The following WDR72 variants were observed in gnomAD, a reference collection of about 807,000 sequenced individuals.
The protein encoded by WDR72 is WD repeat-containing protein 72.
In WDR72, 120 loss-of-function variants were observed where a neutral mutation model predicts 124.2. The ratio of observed to expected loss-of-function variants is 0.97; its 90% confidence interval spans 0.83 to 1.12. WDR72 has a LOEUF of 1.12. WDR72 is among the 50% of genes most tolerant of loss of function. The pLI is 0.00. For missense variants in WDR72, 1,387 were observed against 1,278.8 expected (o/e 1.08, Z -1.29); for synonymous variants, 452 against 441.7 (o/e 1.02, Z -0.29).
At chr15:53,743,353 T>C (rs538005393) in intron 1 of WDR72, among the ~76,000 whole-genome samples, 54 of 152,220 alleles carry the variant, frequency 3.5e-4, no homozygotes, top group African/African-American at 1.3e-3. Flanking sequence ...AATTTAAGCA[T>C]GTTATTTTAG....
intron 2 of WDR72, among the ~76,000 whole-genome samples, chr15:53,727,966 G>T (rs689612): frequency 0.066 from 9,974 of 152,156 alleles, 1,073 homozygotes; most frequent in African/African-American, 0.22. Context: ...TGAAGCATTG[G>T]TTCCTCCTGA....
In WDR72 at chr15:53,706,081, A is replaced by C. The variant is rs780987005; in HGVS notation, c.955-7T>G. 63 of 1,613,700 alleles carry C rather than the reference A, an allele frequency of 3.9e-5. No homozygotes were observed. The highest frequency in any genetic ancestry group is 4.9e-5 in the Non-Finnish European group (58 of 1,179,946). On this transcript the variant is annotated splice_region_variant and splice_polypyrimidine_tract_variant and intron_variant, in intron 9 of 19. Coordinates refer to ENST00000360509, the MANE Select transcript of WDR72 (RefSeq NM_182758.4). ...CAAAGGGACGGCTCTGTTCCTAAACAAAAAGTGAGCTTTTATGTAGGAAAT... is the reference window on the plus strand; with the variant it reads ...CAAAGGGACGGCTCTGTTCCTAAACCAAAAGTGAGCTTTTATGTAGGAAAT...
chr15:53,674,926 G>C (rs1357323698), intron 13 of WDR72, among the ~76,000 whole-genome samples: 2 of 152,052 alleles, frequency 1.3e-5, no homozygotes, highest in Non-Finnish European at 2.9e-5. Context: ...AAAGAGGTGT[G>C]GCGGGGGACA....
intron 18 of WDR72, among the ~76,000 whole-genome samples, chr15:53,527,310 TC>T (rs1892177392): frequency 6.6e-6 from 1 of 152,022 alleles, no homozygotes; most frequent in African/African-American, 2.4e-5. Flanking sequence ...ATTCCGTTCT[TC>T]CTTTTCTCCT....
chr15:53,543,581 A>C (rs1411747727), intron 18 of WDR72, among the ~76,000 whole-genome samples: 1 of 151,006 alleles, frequency 6.6e-6, no homozygotes, highest in African/African-American at 2.4e-5. Context: ...CACAATTAAA[A>C]GAACTAGAAA....
chr15:53,690,429 C>G (rs1414131036), intron 13 of WDR72, among the ~76,000 whole-genome samples: 1 of 152,164 alleles, frequency 6.6e-6, no homozygotes, highest in African/African-American at 2.4e-5. Context: ...TAATCATTCC[C>G]CATTCTCCAC....
chr15:53,631,447 C>T (rs1447064489), intron 14 of WDR72, among the ~76,000 whole-genome samples: 1 of 152,084 alleles, frequency 6.6e-6, no homozygotes, highest in African/African-American at 2.4e-5. Flanking sequence ...AGAACTAACA[C>T]AGAAAATTGT....
intron 17 of WDR72, among the ~76,000 whole-genome samples, chr15:53,605,292 GA>G (rs1290229052): frequency 1.3e-5 from 2 of 152,104 alleles, no homozygotes; most frequent in African/African-American, 4.8e-5. Context: ...TAAATGATGG[GA>G]ACACTTGAAC....
chr15:53,657,263 CAAAAAAAA>C (rs10549551), intron 14 of WDR72, among the ~76,000 whole-genome samples: 42 of 56,404 alleles, frequency 7.4e-4, no homozygotes, highest in African/African-American at 2.6e-3. Context: ...GACTCCATCT[CAAAAAAAA>C]AAAAAAAAAA....
chr15:53,571,366 T>C (rs1291912756), intron 18 of WDR72, among the ~76,000 whole-genome samples: 1 of 152,104 alleles, frequency 6.6e-6, no homozygotes, highest in Non-Finnish European at 1.5e-5. Flanking sequence ...CCAATGTCTC[T>C]TCAATGCCCA....
chr15:53,627,659 C>G (rs552084620), intron 14 of WDR72, among the ~76,000 whole-genome samples: 1 of 151,988 alleles, frequency 6.6e-6, no homozygotes, highest in Non-Finnish European at 1.5e-5. Context: ...AAATTCTTTT[C>G]TAGAACAAAA....
chr15:53,669,411 G>C (rs950939628), intron 13 of WDR72, among the ~76,000 whole-genome samples: 1 of 152,084 alleles, frequency 6.6e-6, no homozygotes, highest in African/African-American at 2.4e-5. Flanking sequence ...TGGTTTCTTG[G>C]TCAAGCTATC....
chr15:53,624,731 T>A (rs536763220), intron 14 of WDR72, among the ~76,000 whole-genome samples: 3 of 152,374 alleles, frequency 2.0e-5, no homozygotes, highest in East Asian at 1.9e-4. Flanking sequence ...AATATAAGTA[T>A]AAATTGTTGC....
rs1891907777 is a variant in WDR72, at chr15:53,523,329, A to AG, written c.3149-8_3149-7insC. On this transcript the variant is annotated splice_region_variant and splice_polypyrimidine_tract_variant and intron_variant, in intron 18 of 19. Coordinates refer to ENST00000360509, the MANE Select transcript of WDR72 (RefSeq NM_182758.4). ...TTGACCGGGCTGACTGGAGCTATTAAAAGAGAGAGAGAGAGAGAGAGAGAC... is the reference window on the plus strand; with the variant it reads ...TTGACCGGGCTGACTGGAGCTATTAAGAAGAGAGAGAGAGAGAGAGAGAGAC... 1.5e-5 allele frequency: 24 copies of AG among 1,605,978 alleles called. No individual in the cohort carries two copies. Among genetic ancestry groups the AG allele is most frequent in the Non-Finnish European group, 2.0e-5 (24 of 1,176,894 alleles).
At chr15:53,715,519 T>C (rs529751531) in intron 4 of WDR72, 152 bp from the exon 5 acceptor site, 4 of 877,212 alleles carry the variant, frequency 4.6e-6, no homozygotes, top group Non-Finnish European at 7.2e-6. Flanking sequence ...AGTTCAGTTA[T>C]TCCAAACTCC....
intron 5 of WDR72, among the ~76,000 whole-genome samples, chr15:53,714,846 T>C (rs1430643508): frequency 2.0e-5 from 3 of 152,162 alleles, no homozygotes; most frequent in African/African-American, 7.2e-5. Context: ...GAATTATCAA[T>C]ACTACATCTA....
At chr15:53,729,194 CTTCTT>C (rs1000393781) in intron 2 of WDR72, among the ~76,000 whole-genome samples, 2 of 152,134 alleles carry the variant, frequency 1.3e-5, no homozygotes, top group African/African-American at 4.8e-5. Context: ...TCCATCCTCT[CTTCTT>C]AATGTCTTTT....
intron 14 of WDR72, among the ~76,000 whole-genome samples, chr15:53,659,000 A>T (rs921471626): frequency 1.3e-5 from 2 of 151,960 alleles, no homozygotes; most frequent in African/African-American, 4.8e-5. Context: ...GCTGGAGTCA[A>T]ATTGCACTAT....
chr15:53,524,857 G>A (rs1892021669), intron 18 of WDR72, among the ~76,000 whole-genome samples: 2 of 152,020 alleles, frequency 1.3e-5, no homozygotes, highest in South Asian at 4.1e-4. Context: ...ACAGTGTCTA[G>A]GCCATAGAAG....
Sources: gnomAD v4.1 joint callset for allele counts (sites outside exome capture counted in the v4.1 genomes callset) on GRCh38, gnomAD v4.1.1 for gene constraint, MANE v1.5 for transcripts, NCBI Gene and HGNC (gene_info 2026-07-23, HGNC 2026-07-21) for gene names.